The following RBM4 variants were observed in gnomAD, a reference collection of about 807,000 sequenced individuals.
RBM4 encodes RNA-binding protein 4.
RBM4 carries 7 observed loss-of-function variants against 29.5 expected under a neutral mutation model. The ratio of observed to expected loss-of-function variants is 0.24; its 90% CI spans 0.14 to 0.45. The LOEUF (loss-of-function observed/expected upper bound fraction) is 0.45, where lower values mean the gene tolerates loss of function less well. Ranked by LOEUF, RBM4 falls within the 20% of genes least tolerant of loss-of-function variation. The pLI is 1.00. For synonymous variants in RBM4, 220 were observed against 205.4 expected (o/e 1.07, Z -0.61); for missense variants, 387 against 502.3 (o/e 0.77, Z 2.19).
chr11:66,654,356 C>T (rs762740025), intron 2 of RBM4, among the ~76,000 whole-genome samples: 9 of 151,514 alleles, frequency 5.9e-5, no homozygotes, highest in Non-Finnish European at 1.2e-4. Context: ...ATTAGCTGGG[C>T]GTGGTGGCGG....
At chr11:66,641,275 C>CT (rs1382579275) in intron 2 of RBM4, 1 of 152,170 alleles carries the variant, frequency 6.6e-6, no homozygotes, top group East Asian at 1.9e-4. Flanking sequence ...TGGGTACTAC[C>CT]TTTGTTAAGA....
downstream of RBM4, among the ~76,000 whole-genome samples, chr11:66,648,501 G>C (rs1172693590): frequency 6.6e-6 from 1 of 151,796 alleles, no homozygotes; most frequent in Non-Finnish European, 1.5e-5. Context: ...CAGCCTGGGT[G>C]TCTCAAAAAA....
chr11:66,652,404 AT>A (rs1385632297), intron 2 of RBM4: 1 of 152,204 alleles, frequency 6.6e-6, no homozygotes, highest in East Asian at 1.9e-4. Flanking sequence ...AAATGAGGAA[AT>A]TTTTAAAAGT....
chr11:66,664,158 A>G (rs1028820743), intron 2 of RBM4, among the ~76,000 whole-genome samples: 1 of 138,698 alleles, frequency 7.2e-6, no homozygotes, highest in African/African-American at 2.7e-5. Context: ...GGCATGCACC[A>G]CCATGCCCAG....
chr11:66,659,692 A>T (rs1228042989), intron 2 of RBM4, among the ~76,000 whole-genome samples: 2 of 152,010 alleles, frequency 1.3e-5, no homozygotes, highest in African/African-American at 4.8e-5. Context: ...TTTCAGCCAG[A>T]TTGCTGGTAG....
At chr11:66,654,860 C>T (rs1347338262) in intron 2 of RBM4, among the ~76,000 whole-genome samples, 7 of 151,696 alleles carry the variant, frequency 4.6e-5, no homozygotes, top group East Asian at 1.9e-4. Context: ...AGTCTCCCTA[C>T]GTCGCCCAGG....
chr11:66,653,779 A>G (rs1475855432), intron 2 of RBM4, among the ~76,000 whole-genome samples: 1 of 152,160 alleles, frequency 6.6e-6, no homozygotes, highest in African/African-American at 2.4e-5. Flanking sequence ...TGGGAAGTCA[A>G]AAATTATACA....
intron 2 of RBM4, among the ~76,000 whole-genome samples, chr11:66,655,478 C>T (rs753047069): frequency 8.6e-5 from 13 of 152,022 alleles, no homozygotes; most frequent in Admixed American, 2.6e-4. Context: ...TACAGGGTTT[C>T]GCTATGTTGC....
At chr11:66,655,133 G>C (rs987952591) in intron 2 of RBM4, among the ~76,000 whole-genome samples, 1 of 151,934 alleles carries the variant, frequency 6.6e-6, no homozygotes, top group Non-Finnish European at 1.5e-5. Context: ...TTACAGGCAT[G>C]CACCACCACG....
intron 2 of RBM4, among the ~76,000 whole-genome samples, chr11:66,656,070 G>A (rs1938943637): frequency 6.6e-6 from 1 of 151,848 alleles, no homozygotes; most frequent in African/African-American, 2.4e-5. Flanking sequence ...TCGCGGGTTC[G>A]AGTGATTCTC....
At chr11:66,652,896 TAAG>T (rs1938862725) in intron 2 of RBM4, among the ~76,000 whole-genome samples, 2 of 152,232 alleles carry the variant, frequency 1.3e-5, no homozygotes, top group African/African-American at 2.4e-5. Context: ...TCCTGTCCCT[TAAG>T]GAGACAAGAC....
At chr11:66,650,570 TTAA>T (rs772326667), downstream of RBM4, among the ~76,000 whole-genome samples, 15 of 147,894 alleles carry the variant, frequency 1.0e-4, no homozygotes, top group East Asian at 2.2e-3. Flanking sequence ...AAAGTCTGTC[TTAA>T]TAATAATAGG....
rs764754217 is a variant in RBM4 at position 66,643,411 on chromosome 11, AAG to A, written c.413-36_413-35del. 1.2e-4 allele frequency: 181 copies of A among 1,568,736 alleles called. No individual in the cohort carries two copies. Among genetic ancestry groups the A allele is most frequent in the Non-Finnish European group, 1.4e-4 (167 of 1,154,158 alleles). On this transcript the variant is annotated intron_variant, in intron 2 of 3. Transcript: ENST00000310092. This position sits in a 1 kb window ranked among gnomAD's most constrained non-coding sequence, Gnocchi z 6.1. ...TGGGGTAGGGGCTGGGGCTATGACT[AAG>A]AGTGATAGCAACCCTTCTTGCGTCT...
At chr11:66,644,162 C>T (rs761736854) in intron 3 of RBM4, 22 bp downstream of exon 3, 7 of 1,586,690 alleles carry the variant, frequency 4.4e-6, no homozygotes, top group African/African-American at 2.7e-5. Context: ...GGGGTGTTCC[C>T]TCTTCTGGTT....
chr11:66,639,016 C>T (rs924411215), intron 1 of RBM4: 1 of 152,210 alleles, frequency 6.6e-6, no homozygotes, highest in Non-Finnish European at 1.5e-5. Flanking sequence ...GGATAACCCC[C>T]TTTCCCTTAT....
At chr11:66,660,028 T>C (rs1274516203) in intron 2 of RBM4, among the ~76,000 whole-genome samples, 1 of 152,154 alleles carries the variant, frequency 6.6e-6, no homozygotes, top group Non-Finnish European at 1.5e-5. Flanking sequence ...TGTCACACTT[T>C]ATTATCTCAG....
At position 66,643,727 on chromosome 11, in the gene RBM4, C is replaced by T. The variant is rs377315779; in HGVS notation, c.690C>T (p.Ser230=). Residue 230 remains serine, a synonymous_variant, in exon 3 of 4, where the codon TCC becomes TCT. Coordinates refer to ENST00000310092, the MANE Select transcript of RBM4 (RefSeq NM_002896.4). This position sits in a 1 kb window ranked among gnomAD's most constrained non-coding sequence, Gnocchi z 6.1. ...AYYKRCRAAR[S]YEAVAAAAAS... is the part of the protein sequence containing the mutation. ...ACAAGCGCTGCCGTGCTGCCCGGTC[C>T]TATGAGGCAGTGGCAGCTGCAGCTG... 6.2e-7 allele frequency: 1 copy of T among 1,614,020 alleles called. No individual in the cohort carries two copies. The highest frequency in any genetic ancestry group is 1.3e-5 in the African/African-American group (1 of 74,906).
At chr11:66,656,971 A>G (rs547120502) in intron 2 of RBM4, among the ~76,000 whole-genome samples, 36 of 152,196 alleles carry the variant, frequency 2.4e-4, no homozygotes, top group Admixed American at 4.6e-4. Flanking sequence ...CAGTTTGACA[A>G]TGTACTGGTA....
intron 2 of RBM4, chr11:66,665,793 C>A: frequency 7.1e-7 from 1 of 1,413,834 alleles, no homozygotes; most frequent in South Asian, 1.3e-5. Context: ...ATATATAGGA[C>A]AAGATGCAAT....
Sources: allele counts gnomAD v4.1 joint callset (sites outside exome capture counted in the v4.1 genomes callset), GRCh38; gene constraint gnomAD v4.1.1; non-coding constraint Gnocchi (gnomAD v3.1); transcripts MANE v1.5; gene names NCBI Gene and HGNC (gene_info 2026-07-23, HGNC 2026-07-21).